POTEJ: variants seen among roughly 807,000 people sequenced by gnomAD.
The protein encoded by POTEJ is POTE ankyrin domain family, member J.
Under a neutral mutation model 69.0 loss-of-function variants are expected in POTEJ, and 11 were observed. That is an observed-to-expected ratio of 0.16 (90% CI 0.10 to 0.26). POTEJ has a LOEUF of 0.26. Among genes scored for constraint, POTEJ ranks in the 10% least tolerant of loss-of-function variants. POTEJ has a pLI of 1.00. For missense variants in POTEJ, 327 were observed against 1,045.5 expected, an observed-to-expected ratio of 0.31 and a Z score of 9.48; for synonymous variants, 117 against 381.1, an observed-to-expected ratio of 0.31 and a Z score of 8.07.
chr2:130,644,496 G>C (rs530429999), intron 11 of POTEJ, among the ~76,000 whole-genome samples: 2 of 152,352 alleles, frequency 1.3e-5, no homozygotes, highest in East Asian at 1.9e-4. Flanking sequence ...TATTTTAATA[G>C]ATTCTTAAAA....
At chr2:130,640,688 G>T (rs1285469154) in intron 10 of POTEJ, among the ~76,000 whole-genome samples, 1 of 151,892 alleles carries the variant, frequency 6.6e-6, no homozygotes, top group Non-Finnish European at 1.5e-5. Context: ...GCATGCAAGG[G>T]GCTTCCTGTA....
chr2:130,624,824 AT>A (rs1229218234), intron 6 of POTEJ, among the ~76,000 whole-genome samples: 2 of 152,094 alleles, frequency 1.3e-5, no homozygotes, highest in Non-Finnish European at 2.9e-5. Flanking sequence ...ATTCCTCCTC[AT>A]TTGAAGTTGG....
chr2:130,640,744 G>A (rs1255543856), intron 10 of POTEJ, among the ~76,000 whole-genome samples: 1 of 152,144 alleles, frequency 6.6e-6, no homozygotes, highest in African/African-American at 2.4e-5. Flanking sequence ...CCCAAACCAG[G>A]CACTGGGAAG....
chr2:130,640,563 C>T (rs1686311466), intron 10 of POTEJ, among the ~76,000 whole-genome samples: 1 of 152,056 alleles, frequency 6.6e-6, no homozygotes, highest in African/African-American at 2.4e-5. Flanking sequence ...TTATTCACGT[C>T]TCCTTTCGTG....
At chr2:130,637,792 A>G (rs1009484432) in intron 9 of POTEJ, among the ~76,000 whole-genome samples, 1 of 151,906 alleles carries the variant, frequency 6.6e-6, no homozygotes, top group African/African-American at 2.4e-5. Context: ...ATGAACATGT[A>G]TATAAAGCAT....
At chr2:130,649,735 T>C (rs1011682264) in intron 13 of POTEJ, among the ~76,000 whole-genome samples, 8 of 145,356 alleles carry the variant, frequency 5.5e-5, no homozygotes, top group African/African-American at 2.1e-4. Context: ...TTGCTGTGTT[T>C]CAGCCACACT....
At chr2:130,639,820 T>A (rs1395096117) in intron 10 of POTEJ, among the ~76,000 whole-genome samples, 1 of 150,620 alleles carries the variant, frequency 6.6e-6, no homozygotes, top group Non-Finnish European at 1.5e-5. Context: ...AACATTTTTA[T>A]TTATGTTTTC....
intron 12 of POTEJ, 27 bp from the exon 13 acceptor site, chr2:130,646,102 T>C (rs559710271): frequency 1.5e-6 from 1 of 652,218 alleles, no homozygotes; most frequent in East Asian, 2.7e-5. Flanking sequence ...CTAAAGTAGA[T>C]AATTTCTTAT....
At chr2:130,614,261 A>C (rs1355148060) in intron 1 of POTEJ, among the ~76,000 whole-genome samples, 1 of 152,266 alleles carries the variant, frequency 6.6e-6, no homozygotes, top group Non-Finnish European at 1.5e-5. Flanking sequence ...TTTAAAGTTT[A>C]AGTTGCTGCA....
At chr2:130,639,154 T>C (rs1229572244) in intron 10 of POTEJ, among the ~76,000 whole-genome samples, 1 of 152,306 alleles carries the variant, frequency 6.6e-6, no homozygotes, top group East Asian at 1.9e-4. Flanking sequence ...GAAGCTTCCC[T>C]GGCTTGCCTG....
In POTEJ at chr2:130,657,504, A is replaced by G. The variant is rs754329637; in HGVS notation, c.2744A>G (p.Asn915Ser). The G allele has an allele frequency of 6.4e-7, 1 of 1,570,422 alleles. No individual in the cohort carries two copies. Among genetic ancestry groups the G allele is most frequent in the Non-Finnish European group, 8.7e-7 (1 of 1,149,656 alleles). The change falls in exon 15 of 15, where the codon AAC becomes AGC. Residue 915 changes from asparagine to serine, a missense_variant. By Grantham distance (46) the Asn-to-Ser change is conservative (BLOSUM62 1). Coordinates refer to ENST00000409602, the MANE Select transcript of POTEJ (RefSeq NM_001277083.2). Reference sequence around the variant, plus strand: ...GATGGCCAGGTCATCACCATCAGCAACGAGTGGTTCCGCTGCCCCGAGGCG... The same window carrying G: ...GATGGCCAGGTCATCACCATCAGCAGCGAGTGGTTCCGCTGCCCCGAGGCG... ...LPDGQVITIS[N>S]EWFRCPEALF...
intron 11 of POTEJ, among the ~76,000 whole-genome samples, chr2:130,644,374 G>T (rs1213527862): frequency 6.6e-6 from 1 of 150,424 alleles, no homozygotes; most frequent in Admixed American, 6.6e-5. Context: ...GGAGGCTGAG[G>T]CAGGAGAATG....
At chr2:130,622,848 C>T (rs542132343) in intron 5 of POTEJ, 113 of 151,272 alleles carry the variant, frequency 7.5e-4, no homozygotes, top group East Asian at 2.7e-3. Context: ...GTGCTTGCTT[C>T]GGCGGCACAT....
chr2:130,637,338 A>G (rs1686132766), intron 9 of POTEJ, among the ~76,000 whole-genome samples: 2 of 151,174 alleles, frequency 1.3e-5, no homozygotes, highest in East Asian at 1.9e-4. Flanking sequence ...TTTTTTTGAG[A>G]TGGAGTCTCG....
At chr2:130,618,489 AG>A (rs1226653457) in intron 3 of POTEJ, among the ~76,000 whole-genome samples, 1 of 149,250 alleles carries the variant, frequency 6.7e-6, no homozygotes, top group East Asian at 1.9e-4. Flanking sequence ...CTGTAGTCCC[AG>A]CTGCTAGGGA....
chr2:130,640,271 G>C (rs1354656141), intron 10 of POTEJ, among the ~76,000 whole-genome samples: 1 of 141,772 alleles, frequency 7.1e-6, no homozygotes, highest in Admixed American at 7.0e-5. Context: ...ACATGGCAGG[G>C]TTTCTGAGCA....
At chr2:130,623,719 G>T (rs1280226098) in intron 5 of POTEJ, among the ~76,000 whole-genome samples, 3 of 136,862 alleles carry the variant, frequency 2.2e-5, no homozygotes, top group African/African-American at 9.4e-5. Context: ...TGTTGAAGAA[G>T]ACATTGAGCC....
intron 4 of POTEJ, among the ~76,000 whole-genome samples, chr2:130,620,960 C>CAT: frequency 1.9e-5 from 2 of 103,004 alleles, no homozygotes; most frequent in African/African-American, 8.7e-5. Context: ...GTTGGCTGTG[C>CAT]ATAAGTAAGA....
chr2:130,615,603 A>G (rs1685384770), intron 1 of POTEJ, among the ~76,000 whole-genome samples: 1 of 141,166 alleles, frequency 7.1e-6, no homozygotes, highest in Non-Finnish European at 1.5e-5. Flanking sequence ...GGGGCCTATC[A>G]GAGGGTGGAG....
Sources: allele counts gnomAD v4.1 joint callset (sites outside exome capture counted in the v4.1 genomes callset), GRCh38; gene constraint gnomAD v4.1.1; transcripts MANE v1.5; gene names NCBI Gene and HGNC (gene_info 2026-07-23, HGNC 2026-07-21).